HDAC9: variants seen among roughly 807,000 people sequenced by gnomAD.
HDAC9 encodes MEF-2 interacting transcription repressor (MITR) protein.
HDAC9 carries 41 observed loss-of-function variants against 139.4 expected under a neutral mutation model. The ratio of observed to expected loss-of-function variants is 0.29; its 90% CI spans 0.23 to 0.38. The LOEUF (loss-of-function observed/expected upper bound fraction) is 0.38, where lower values mean the gene tolerates loss of function less well. Among genes scored for constraint, HDAC9 ranks in the 10% least tolerant of loss-of-function variants. The pLI, the probability that HDAC9 is intolerant of heterozygous loss-of-function variation, is 1.00. For missense variants in HDAC9, 1,147 were observed against 1,297.0 expected (o/e 0.88, Z 1.78); for synonymous variants, 517 against 476.2 (o/e 1.09, Z -1.12).
At chr7:18,276,580 T>C (rs1796737973) in intron 2 of HDAC9, among the ~76,000 whole-genome samples, 1 of 152,196 alleles carries the variant, frequency 6.6e-6, no homozygotes, top group South Asian at 2.1e-4. Flanking sequence ...CTCTGCAGCA[T>C]ATTATGTCTC....
intron 1 of HDAC9, among the ~76,000 whole-genome samples, chr7:18,090,267 A>G (rs1179395049): frequency 6.6e-6 from 1 of 152,210 alleles, no homozygotes; most frequent in Non-Finnish European, 1.5e-5. Flanking sequence ...CCTGTGTCTT[A>G]TGATAACTTC....
At chr7:18,754,601 A>G (rs866169278) in intron 14 of HDAC9, among the ~76,000 whole-genome samples, 1 of 152,136 alleles carries the variant, frequency 6.6e-6, no homozygotes, top group African/African-American at 2.4e-5. Context: ...CTTAATTCAT[A>G]AGTAAGAACC....
At chr7:18,936,659 T>C (rs1377248569) in intron 23 of HDAC9, among the ~76,000 whole-genome samples, 2 of 152,242 alleles carry the variant, frequency 1.3e-5, no homozygotes. Flanking sequence ...TATTATCCAT[T>C]AATCTATTTT....
At chr7:18,870,387 T>G (rs1173817653) in intron 21 of HDAC9, among the ~76,000 whole-genome samples, 1 of 152,304 alleles carries the variant, frequency 6.6e-6, no homozygotes, top group East Asian at 1.9e-4. Context: ...ATTCCTCAAT[T>G]TAAATTTGTT....
At chr7:18,960,949 C>T (rs1001792666) in intron 24 of HDAC9, among the ~76,000 whole-genome samples, 8 of 152,226 alleles carry the variant, frequency 5.3e-5, no homozygotes, top group African/African-American at 1.7e-4. Context: ...CAACTAAAAG[C>T]GTTGTTTCTC....
At chr7:18,291,001 A>G (rs1016867990) in intron 1 of HDAC9, among the ~76,000 whole-genome samples, 2 of 152,172 alleles carry the variant, frequency 1.3e-5, no homozygotes, top group Non-Finnish European at 1.5e-5. Context: ...AGTGAATAGT[A>G]TAGAGATTTC....
chr7:18,926,096 C>A (rs1327613696), intron 22 of HDAC9, among the ~76,000 whole-genome samples: 1 of 152,096 alleles, frequency 6.6e-6, no homozygotes, highest in Non-Finnish European at 1.5e-5. Flanking sequence ...CACCTGTAAT[C>A]CCAGAACTCT....
intron 2 of HDAC9, among the ~76,000 whole-genome samples, chr7:18,195,275 G>T (rs1790644237): frequency 6.6e-6 from 1 of 152,068 alleles, no homozygotes; most frequent in Admixed American, 6.6e-5. Context: ...TTGGAGTCAA[G>T]AATTTATCAG....
chr7:18,206,165 A>G (rs926717814), intron 2 of HDAC9, among the ~76,000 whole-genome samples: 1 of 152,158 alleles, frequency 6.6e-6, no homozygotes, highest in Non-Finnish European at 1.5e-5. Context: ...AGTCATGGAA[A>G]CCTGTGACTG....
At chr7:18,982,416 C>T (rs1004213503) in intron 25 of HDAC9, among the ~76,000 whole-genome samples, 97 of 152,140 alleles carry the variant, frequency 6.4e-4, no homozygotes, top group African/African-American at 2.2e-3. Context: ...AGACTCATAC[C>T]TATAATTCCT....
intron 17 of HDAC9, among the ~76,000 whole-genome samples, chr7:18,801,172 A>C (rs1793255300): frequency 6.6e-6 from 1 of 152,010 alleles, no homozygotes; most frequent in South Asian, 2.1e-4. Flanking sequence ...GAACATGGTG[A>C]GTATTCTTGT....
chr7:18,893,750 A>G (rs1407817531), intron 22 of HDAC9, among the ~76,000 whole-genome samples: 5 of 152,186 alleles, frequency 3.3e-5, no homozygotes, highest in Non-Finnish European at 5.9e-5. Context: ...ACGCAGGGAA[A>G]GGGTCAGATT....
intron 2 of HDAC9, among the ~76,000 whole-genome samples, chr7:18,236,670 C>T (rs965855093): frequency 2.0e-5 from 3 of 152,182 alleles, no homozygotes; most frequent in African/African-American, 7.2e-5. Flanking sequence ...AGTGAACAGA[C>T]AGACCTTGGT....
intron 2 of HDAC9, among the ~76,000 whole-genome samples, chr7:18,522,649 C>T (rs1369393621): frequency 6.6e-6 from 1 of 150,452 alleles, no homozygotes; most frequent in East Asian, 2.0e-4. Flanking sequence ...GCAAACAAAC[C>T]AAACATGCCT....
chr7:18,329,181 C>G (rs968664974), intron 1 of HDAC9, among the ~76,000 whole-genome samples: 5 of 151,252 alleles, frequency 3.3e-5, no homozygotes, highest in African/African-American at 9.7e-5. Context: ...TTGTTTGGGT[C>G]TTCTTTTTTT....
chr7:18,154,558 A>T (rs1375773658), intron 1 of HDAC9, among the ~76,000 whole-genome samples: 1 of 152,182 alleles, frequency 6.6e-6, no homozygotes, highest in Non-Finnish European at 1.5e-5. Context: ...AAGCCTCACA[A>T]TGACCTCATA....
At chr7:18,810,075 G>A (rs931063937) in intron 17 of HDAC9, among the ~76,000 whole-genome samples, 1 of 151,904 alleles carries the variant, frequency 6.6e-6, no homozygotes, top group East Asian at 1.9e-4. Context: ...CAACAACGTG[G>A]ATGTTCCTGG....
intron 24 of HDAC9, among the ~76,000 whole-genome samples, chr7:18,975,167 C>CA (rs1195570924): frequency 9.2e-5 from 14 of 152,064 alleles, no homozygotes; most frequent in East Asian, 3.9e-4. Context: ...TTTCCTGCCT[C>CA]AAAAAAAGAA....
At chr7:18,604,430 G>A (rs552034145) in intron 6 of HDAC9, among the ~76,000 whole-genome samples, 6 of 150,584 alleles carry the variant, frequency 4.0e-5, no homozygotes, top group South Asian at 2.1e-4. Flanking sequence ...TTCTTGAGAC[G>A]GAGTCTTGCT....
Sources: allele counts gnomAD v4.1 joint callset (sites outside exome capture counted in the v4.1 genomes callset), GRCh38; gene constraint gnomAD v4.1.1; transcripts MANE v1.5; gene names NCBI Gene and HGNC (gene_info 2026-07-23, HGNC 2026-07-21).